TMEM178B: variants seen among roughly 807,000 people sequenced by gnomAD.
TMEM178B encodes the protein transmembrane protein 178B.
Under a neutral mutation model 31.0 loss-of-function variants are expected in TMEM178B, and 5 were observed. The ratio of observed to expected loss-of-function variants is 0.16; its 90% confidence interval spans 0.08 to 0.34. The LOEUF (loss-of-function observed/expected upper bound fraction) is 0.34, where lower values mean the gene tolerates loss of function less well. Ranked by LOEUF, TMEM178B falls within the 10% of genes least tolerant of loss-of-function variation. The pLI, the probability that TMEM178B is intolerant of heterozygous loss-of-function variation, is 1.00. For missense variants in TMEM178B, 275 were observed against 400.3 expected (o/e 0.69, Z 2.67); for synonymous variants, 164 against 164.0 (o/e 1.00, Z 0.00).
At chr7:141,401,478 C>T (rs759713369) in intron 2 of TMEM178B, among the ~76,000 whole-genome samples, 178 of 152,306 alleles carry the variant, frequency 1.2e-3, no homozygotes, top group African/African-American at 3.9e-3. Flanking sequence ...CAGTGTGGTG[C>T]GATCATAGCT....
chr7:141,312,851 C>G (rs1407460820), intron 2 of TMEM178B, among the ~76,000 whole-genome samples: 1 of 152,140 alleles, frequency 6.6e-6, no homozygotes, highest in Admixed American at 6.5e-5. Context: ...AGAATTGGCT[C>G]TTTATTGTAT....
chr7:141,242,700 C>T (rs1797646043), intron 2 of TMEM178B, among the ~76,000 whole-genome samples: 2 of 151,932 alleles, frequency 1.3e-5, no homozygotes, highest in Non-Finnish European at 2.9e-5. Context: ...GTCACCATGC[C>T]AGGCTAATTT....
At chr7:141,244,812 G>T (rs737997) in intron 2 of TMEM178B, among the ~76,000 whole-genome samples, 73,181 of 151,686 alleles carry the variant, frequency 0.48, 18,081 homozygotes, top group East Asian at 0.79. Context: ...GTTGCCCTCG[G>T]GGGGAAGAAG....
At chr7:141,232,255 G>C (rs1392139590) in intron 2 of TMEM178B, among the ~76,000 whole-genome samples, 1 of 152,138 alleles carries the variant, frequency 6.6e-6, no homozygotes, top group African/African-American at 2.4e-5. Flanking sequence ...ATTGTGAATA[G>C]TGCTGCAATG....
intron 1 of TMEM178B, among the ~76,000 whole-genome samples, chr7:141,158,107 GT>G (rs1271571246): frequency 2.0e-5 from 3 of 152,038 alleles, no homozygotes; most frequent in Non-Finnish European, 4.4e-5. Flanking sequence ...CCAATTTTTT[GT>G]TTTTTGAGAT....
chr7:141,433,091 A>G (rs1261332198), intron 2 of TMEM178B, among the ~76,000 whole-genome samples: 2 of 152,188 alleles, frequency 1.3e-5, no homozygotes, highest in African/African-American at 2.4e-5. Flanking sequence ...GAACTTCAGT[A>G]CAATACCCTG....
At chr7:141,096,882 G>A (rs1461537052) in intron 1 of TMEM178B, among the ~76,000 whole-genome samples, 1 of 152,092 alleles carries the variant, frequency 6.6e-6, no homozygotes, top group Non-Finnish European at 1.5e-5. Context: ...GAGCCCAGGA[G>A]TGTGAGACCA....
Position 141,359,999 on chromosome 7 carries a change from C to T in TMEM178B, c.497-77609C>T, listed in dbSNP as rs539618961. On this transcript the variant is annotated intron_variant, in intron 2 of 3. Coordinates refer to ENST00000565468, the MANE Select transcript of TMEM178B (RefSeq NM_001195278.2). ...TCCCATGAGAACAGTATGAGGAAAC[C>T]GCCTTCATGATTCAATTATCTCCCA... 3.9e-5 allele frequency among the ~76,000 whole-genome samples: 6 copies of T among 152,196 alleles called. No homozygotes were observed. The South Asian group carries it at 8.3e-4, about 21-fold the overall frequency.
chr7:141,233,242 A>G lies in TMEM178B; in HGVS notation c.496+20538A>G, dbSNP rs1797475364. ...ACATACATTTTTATCTTTTAATCCC[A>G]ATGTCTGGTATGATATCTATCTGGC... On this transcript the variant is annotated intron_variant, in intron 2 of 3. Coordinates refer to ENST00000565468, the MANE Select transcript of TMEM178B (RefSeq NM_001195278.2). Among the ~76,000 whole-genome samples, 5 of 152,276 alleles carry G rather than the reference A, an allele frequency of 3.3e-5. No individual in the cohort carries two copies. In the South Asian group the frequency reaches 6.2e-4, roughly 19 times the overall value.
At chr7:141,425,164 T>A (rs749520221) in intron 2 of TMEM178B, among the ~76,000 whole-genome samples, 6 of 152,374 alleles carry the variant, frequency 3.9e-5, no homozygotes, top group Middle Eastern at 3.4e-3. Context: ...CAGTGTTAAT[T>A]CCTATTTATC....
At position 141,466,308 on chromosome 7, in the gene TMEM178B, A is replaced by G. The variant is rs141222013; in HGVS notation, c.635-4228A>G. On this transcript the variant is annotated intron_variant, in intron 3 of 3. Transcript: ENST00000565468. ...GGCAGGAAGATTCCTCATCAACTCT[A>G]TTAGTACAGCAGAACAGCAAGATGA... Among the ~76,000 whole-genome samples, 595 of 152,332 alleles carry G rather than the reference A, an allele frequency of 3.9e-3. 7 individuals are homozygous for G. The highest frequency in any genetic ancestry group is 0.014 in the African/African-American group (576 of 41,586).
chr7:141,116,252 C>T (rs1358611645), intron 1 of TMEM178B, among the ~76,000 whole-genome samples: 1 of 152,112 alleles, frequency 6.6e-6, no homozygotes, highest in Non-Finnish European at 1.5e-5. Flanking sequence ...CAGCCATAAG[C>T]CCAAAGCAAA....
At chr7:141,157,170 C>T (rs906598143) in intron 1 of TMEM178B, among the ~76,000 whole-genome samples, 4 of 152,104 alleles carry the variant, frequency 2.6e-5, no homozygotes, top group Non-Finnish European at 4.4e-5. Flanking sequence ...CAAGTCACAT[C>T]GCCAATCTGG....
chr7:141,360,956 A>C (rs1231434371), intron 2 of TMEM178B, among the ~76,000 whole-genome samples: 2 of 152,234 alleles, frequency 1.3e-5, no homozygotes, highest in African/African-American at 4.8e-5. Context: ...CAGTCAGCAA[A>C]GAGAACATTA....
At chr7:141,306,277 T>A (rs997090708) in intron 2 of TMEM178B, among the ~76,000 whole-genome samples, 10 of 152,064 alleles carry the variant, frequency 6.6e-5, no homozygotes, top group Non-Finnish European at 1.5e-4. Flanking sequence ...CAGTATTCAG[T>A]AATTGTCTGT....
chr7:141,172,853 T>G (rs1563107241), intron 1 of TMEM178B, among the ~76,000 whole-genome samples: 1 of 152,240 alleles, frequency 6.6e-6, no homozygotes, highest in Non-Finnish European at 1.5e-5. Flanking sequence ...AAATCCTGAT[T>G]AAATTATTCC....
At chr7:141,244,467 G>A (rs1797693390) in intron 2 of TMEM178B, among the ~76,000 whole-genome samples, 1 of 152,206 alleles carries the variant, frequency 6.6e-6, no homozygotes. Flanking sequence ...TTTGGTTATG[G>A]TGGGCTAGAA....
chr7:141,343,623 C>T (rs1035289791), intron 2 of TMEM178B, among the ~76,000 whole-genome samples: 2 of 147,996 alleles, frequency 1.4e-5, no homozygotes, highest in Non-Finnish European at 3.0e-5. Context: ...AATCTCGGCT[C>T]ACTGCAAGCT....
intron 1 of TMEM178B, among the ~76,000 whole-genome samples, chr7:141,137,935 G>C (rs1440063132): frequency 1.3e-5 from 2 of 152,176 alleles, no homozygotes; most frequent in Admixed American, 1.3e-4. Context: ...GAAGGGGGCT[G>C]CTGTAAGTTT....
Sources: allele counts gnomAD v4.1 joint callset (sites outside exome capture counted in the v4.1 genomes callset), GRCh38; gene constraint gnomAD v4.1.1; transcripts MANE v1.5; gene names NCBI Gene and HGNC (gene_info 2026-07-23, HGNC 2026-07-21).